The following MCTP1 variants were observed in gnomAD, a reference collection of about 807,000 sequenced individuals.
The protein encoded by MCTP1 is multiple C2 and transmembrane domain-containing protein 1.
In MCTP1, 69 loss-of-function variants were observed where a neutral mutation model predicts 120.6. The observed-to-expected ratio is 0.57, with a 90% CI of 0.47 to 0.70. The LOEUF is 0.70. MCTP1 is among the 30% of genes least tolerant of loss of function. The probability of loss-of-function intolerance (pLI) is 0.00; values close to 1 mark genes in which losing one functional copy is unlikely to be tolerated. For synonymous variants in MCTP1, 529 were observed against 493.1 expected (o/e 1.07, Z -0.96); for missense variants, 1,203 against 1,248.8 (o/e 0.96, Z 0.55).
chr5:95,146,536 T>C (rs1036080521), intron 1 of MCTP1, among the ~76,000 whole-genome samples: 2 of 152,212 alleles, frequency 1.3e-5, no homozygotes, highest in Non-Finnish European at 2.9e-5. Flanking sequence ...TAAACTTTCC[T>C]CTCAATATGC....
chr5:94,793,337 C>T (rs1779369495), intron 18 of MCTP1: 1 of 152,078 alleles, frequency 6.6e-6, no homozygotes, highest in Non-Finnish European at 1.5e-5. Flanking sequence ...ACTTATTTAT[C>T]CTAGTGATCG....
intron 1 of MCTP1, among the ~76,000 whole-genome samples, chr5:95,135,056 A>G (rs1759347241): frequency 6.6e-6 from 1 of 150,976 alleles, no homozygotes; most frequent in Non-Finnish European, 1.5e-5. Context: ...ATCAGAAAAA[A>G]AAAAGGTCAG....
chr5:95,151,503 G>T (rs1760895246), intron 1 of MCTP1, among the ~76,000 whole-genome samples: 1 of 152,000 alleles, frequency 6.6e-6, no homozygotes, highest in Non-Finnish European at 1.5e-5. Context: ...ATGTTCTCAA[G>T]GGTCAACTGT....
chr5:95,192,313 G>GT (rs1001046961), intron 1 of MCTP1, among the ~76,000 whole-genome samples: 4 of 151,858 alleles, frequency 2.6e-5, no homozygotes, highest in Non-Finnish European at 5.9e-5. Context: ...AATTTGACAT[G>GT]TTTTTTCCTT....
At chr5:94,850,035 G>A (rs978699860) in intron 17 of MCTP1, among the ~76,000 whole-genome samples, 1 of 152,044 alleles carries the variant, frequency 6.6e-6, no homozygotes, top group African/African-American at 2.4e-5. Context: ...CATGTGAGAG[G>A]GTAACTGACT....
chr5:94,983,893 GA>G (rs1203978588), intron 2 of MCTP1, among the ~76,000 whole-genome samples: 1 of 152,206 alleles, frequency 6.6e-6, no homozygotes, highest in African/African-American at 2.4e-5. Flanking sequence ...TATGATGGAA[GA>G]AGGGGCAAAT....
At chr5:95,036,815 G>C (rs73138067) in intron 1 of MCTP1, among the ~76,000 whole-genome samples, 2,447 of 152,154 alleles carry the variant, frequency 0.016, 78 homozygotes, top group African/African-American at 0.055. Flanking sequence ...TAGTTTTTCT[G>C]AATAGGAAAT....
intron 12 of MCTP1, among the ~76,000 whole-genome samples, chr5:94,887,964 A>C (rs1451933567): frequency 6.6e-6 from 1 of 152,208 alleles, no homozygotes. Context: ...TCTTCCCTTG[A>C]AATAAGTTTG....
At chr5:94,719,596 A>G (rs4869218) in intron 19 of MCTP1, among the ~76,000 whole-genome samples, 110,427 of 152,056 alleles carry the variant, frequency 0.73, 40,629 homozygotes, top group East Asian at 0.97. Flanking sequence ...ATGTTCTCAC[A>G]TGTAAGTGGG....
chr5:95,230,187 T>C (rs1033192620), intron 1 of MCTP1, among the ~76,000 whole-genome samples: 2 of 111,578 alleles, frequency 1.8e-5, no homozygotes, highest in African/African-American at 6.3e-5. Flanking sequence ...TACATATATG[T>C]GTGTGTGTAT....
intron 22 of MCTP1, chr5:94,708,290 G>T: frequency 2.8e-6 from 1 of 357,752 alleles, no homozygotes; most frequent in Non-Finnish European, 5.1e-6. Context: ...GACAGCTCTG[G>T]TAGGTTCTTT....
At chr5:95,194,527 AC>A (rs1240350202) in intron 1 of MCTP1, among the ~76,000 whole-genome samples, 1 of 152,114 alleles carries the variant, frequency 6.6e-6, no homozygotes, top group Admixed American at 6.5e-5. Context: ...CACCTCACTG[AC>A]TCTCCACCAT....
intron 1 of MCTP1, among the ~76,000 whole-genome samples, chr5:95,040,838 G>A (rs1360867059): frequency 6.6e-6 from 1 of 152,180 alleles, no homozygotes; most frequent in Non-Finnish European, 1.5e-5. Context: ...GAACACAAGG[G>A]CTCAATCTTT....
At chr5:95,272,338 GA>G (rs369920460) in intron 1 of MCTP1, among the ~76,000 whole-genome samples, 112 of 152,242 alleles carry the variant, frequency 7.4e-4, no homozygotes, top group African/African-American at 2.7e-3. Flanking sequence ...AGCAAAGAAA[GA>G]AAACTGACAT....
intron 17 of MCTP1, among the ~76,000 whole-genome samples, chr5:94,866,006 A>C (rs1796726789): frequency 6.6e-6 from 1 of 151,982 alleles, no homozygotes; most frequent in Middle Eastern, 3.2e-3. Flanking sequence ...CAGAGGTTAG[A>C]ATCAATGATT....
At chr5:94,836,770 A>T (rs1789881881) in intron 17 of MCTP1, among the ~76,000 whole-genome samples, 1 of 152,188 alleles carries the variant, frequency 6.6e-6, no homozygotes, top group African/African-American at 2.4e-5. Flanking sequence ...CTTTTCTTAG[A>T]CAAAAGGGCA....
chr5:95,045,499 C>T (rs767576987), intron 1 of MCTP1, among the ~76,000 whole-genome samples: 1 of 151,986 alleles, frequency 6.6e-6, no homozygotes, highest in Admixed American at 6.6e-5. Context: ...TTCCTAGAGT[C>T]GATGAAAGCT....
chr5:94,845,484 C>A (rs1225958570), intron 17 of MCTP1, among the ~76,000 whole-genome samples: 1 of 152,082 alleles, frequency 6.6e-6, no homozygotes, highest in Admixed American at 6.6e-5. Flanking sequence ...GGGGACACAG[C>A]AAAACCATAT....
chr5:94,737,187 CTA>C (rs1764469319), intron 19 of MCTP1, among the ~76,000 whole-genome samples: 1 of 148,292 alleles, frequency 6.7e-6, no homozygotes, highest in Non-Finnish European at 1.5e-5. Flanking sequence ...AAGAATCTCA[CTA>C]TGTTTTCCAG....
Sources: gnomAD v4.1 joint callset for allele counts (sites outside exome capture counted in the v4.1 genomes callset) on GRCh38, gnomAD v4.1.1 for gene constraint, MANE v1.5 for transcripts, NCBI Gene and HGNC (gene_info 2026-07-23, HGNC 2026-07-21) for gene names.